Variants in ZFYVE28 observed in about 807,000 individuals in gnomAD.
ZFYVE28 encodes the protein zinc finger FYVE-type containing 28, also known as lateral signaling target protein 2 homolog.
ZFYVE28 carries 40 observed loss-of-function variants against 82.1 expected under a neutral mutation model. The observed-to-expected ratio is 0.49, with a 90% CI of 0.38 to 0.63. The LOEUF (loss-of-function observed/expected upper bound fraction) is 0.63, where lower values mean the gene tolerates loss of function less well. Ranked by LOEUF, ZFYVE28 falls within the 30% of genes least tolerant of loss-of-function variation. ZFYVE28 has a pLI of 0.00. For missense variants in ZFYVE28, 1,321 were observed against 1,242.1 expected, an observed-to-expected ratio of 1.06 and a Z score of -0.96; for synonymous variants, 612 against 546.1, an observed-to-expected ratio of 1.12 and a Z score of -1.68.
At chr4:2,405,717 C>G in intron 1 of ZFYVE28, among the ~76,000 whole-genome samples, 1 of 152,254 alleles carries the variant, frequency 6.6e-6, no homozygotes, top group Middle Eastern at 3.2e-3. Context: ...ACTCCTGTCA[C>G]TGTCCCTCGG....
At chr4:2,393,900 C>G (rs2108927269) in intron 1 of ZFYVE28, among the ~76,000 whole-genome samples, 1 of 152,364 alleles carries the variant, frequency 6.6e-6, no homozygotes. Flanking sequence ...AAGATGACAA[C>G]ATTCACATCT....
Position 2,339,292 on chromosome 4 carries a change from A to G in ZFYVE28, c.521+161T>C, listed in dbSNP as rs187657760. Among the ~76,000 whole-genome samples the G allele has an allele frequency of 6.6e-6, 1 of 152,056 alleles. No homozygotes were observed. Among genetic ancestry groups the G allele is most frequent in the African/African-American group, 2.4e-5 (1 of 41,500 alleles). ...AGATGCCCCACCTCACCTCCACGCT[A>G]TGCTCTCCAGGGCTTAACCCCACCC... On this transcript the variant is annotated intron_variant, in intron 4 of 12. Transcript: ENST00000290974. The surrounding 1 kb of genome is among the most constrained non-coding windows in gnomAD (Gnocchi z 5.0).
chr4:2,363,483 T>C lies in ZFYVE28; in HGVS notation c.40-9410A>G, dbSNP rs1034399. Among the ~76,000 whole-genome samples the C allele has an allele frequency of 3.0e-3, 334 of 110,566 alleles. 2 individuals are homozygous for C. Among genetic ancestry groups the C allele is most frequent in the African/African-American group, 6.1e-3 (195 of 31,946 alleles). The allele number at this position is 110,566 out of a possible 152,430, so 72.5% of individuals were successfully genotyped here. A position where few individuals can be genotyped will look rare whatever the true frequency, so the allele number is the denominator to read the frequency against. ...AAGCTTTGCCCTGGGGGTCACGTGG[T>C]CCCTGAGGGCTCTAACCTGCGGCTG... On this transcript the variant is annotated intron_variant, in intron 1 of 12. Transcript: ENST00000290974.
intron 2 of ZFYVE28, among the ~76,000 whole-genome samples, chr4:2,352,502 A>C (rs1724629784): frequency 6.6e-6 from 1 of 151,514 alleles, no homozygotes; most frequent in African/African-American, 2.4e-5. Flanking sequence ...CCTGGAGCGG[A>C]GTGGACAGAA....
chr4:2,414,778 C>T (rs1732867015), intron 1 of ZFYVE28, among the ~76,000 whole-genome samples: 2 of 152,204 alleles, frequency 1.3e-5, no homozygotes, highest in Non-Finnish European at 2.9e-5. Flanking sequence ...TCCTAGTGAC[C>T]AGGAACTTCC....
intron 9 of ZFYVE28, among the ~76,000 whole-genome samples, chr4:2,273,601 G>A (rs547111387): frequency 1.3e-5 from 2 of 152,284 alleles, no homozygotes; most frequent in South Asian, 2.1e-4. Context: ...GCCAGGCTAC[G>A]CGCTGAGGGA....
At chr4:2,327,286 ATATATATATATATATATATATATC>A (rs1357669855) in intron 6 of ZFYVE28, among the ~76,000 whole-genome samples, 23 of 35,430 alleles carry the variant, frequency 6.5e-4, no homozygotes, top group Admixed American at 1.3e-3. Flanking sequence ...ATATATATAT[ATATATATATATATATATATATATC>A]GAATAAAGTT....
At chr4:2,281,468 G>A (rs1368738067) in intron 8 of ZFYVE28, among the ~76,000 whole-genome samples, 3 of 152,208 alleles carry the variant, frequency 2.0e-5, no homozygotes, top group Non-Finnish European at 4.4e-5. Flanking sequence ...TCTGACTAGG[G>A]CCTTCTTGCT....
In ZFYVE28 at chr4:2,408,693, C is replaced by G. The variant is rs142148015; in HGVS notation, c.39+9592G>C. ...CCCAGATGAGTACCACCCAGGTAAG[C>G]CTGCCTAGATGATGAAGCCCCGCCC... On this transcript the variant is annotated intron_variant, in intron 1 of 12. Coordinates refer to ENST00000290974, the MANE Select transcript of ZFYVE28 (RefSeq NM_020972.3). The surrounding 1 kb of genome is among the most constrained non-coding windows in gnomAD (Gnocchi z 4.3). Among the ~76,000 whole-genome samples, 386 of 152,144 alleles carry G rather than the reference C, an allele frequency of 2.5e-3. No homozygotes were observed. Among genetic ancestry groups the G allele is most frequent in the Non-Finnish European group, 4.6e-3 (315 of 67,978 alleles).
At chr4:2,275,312 C>T (rs956388211) in intron 8 of ZFYVE28, among the ~76,000 whole-genome samples, 8 of 152,202 alleles carry the variant, frequency 5.3e-5, no homozygotes, top group African/African-American at 9.6e-5. Flanking sequence ...AGGTTCACCT[C>T]GCCCAACTCT....
intron 1 of ZFYVE28, among the ~76,000 whole-genome samples, chr4:2,402,338 C>T (rs946240386): frequency 7.2e-5 from 11 of 152,204 alleles, no homozygotes; most frequent in Non-Finnish European, 1.3e-4. Context: ...GGCACCGCCC[C>T]CGCCATCAGA....
intron 6 of ZFYVE28, among the ~76,000 whole-genome samples, chr4:2,321,804 G>A (rs879704693): frequency 3.9e-5 from 6 of 152,036 alleles, no homozygotes; most frequent in African/African-American, 7.2e-5. Context: ...TGTACCCAAC[G>A]TCTGCCCCTC....
rs530451476 is a variant in ZFYVE28, at chr4:2,355,845, G to A, written c.40-1772C>T. 1.8e-4 allele frequency among the ~76,000 whole-genome samples: 28 copies of A among 152,294 alleles called. No individual in the cohort carries two copies. In the South Asian group the frequency reaches 5.4e-3, roughly 29 times the overall value. On this transcript the variant is annotated intron_variant, in intron 1 of 12. Transcript: ENST00000290974. Reference sequence around the variant, plus strand: ...TCCCACCTTGGCCTCCCAAAGTTGCGGAGATTATAGAAGTGAGTCACTGTG... The same window carrying A: ...TCCCACCTTGGCCTCCCAAAGTTGCAGAGATTATAGAAGTGAGTCACTGTG...
At chr4:2,305,639 A>G in intron 7 of ZFYVE28, 103 bp from the exon 8 acceptor site, 1 of 1,347,834 alleles carries the variant, frequency 7.4e-7, no homozygotes, top group Non-Finnish European at 1.0e-6. Flanking sequence ...CAGCAGAACA[A>G]CAGCCAGGCA....
At chr4:2,276,831 T>C (rs1203406550) in intron 8 of ZFYVE28, among the ~76,000 whole-genome samples, 2 of 148,564 alleles carry the variant, frequency 1.3e-5, no homozygotes, top group East Asian at 3.9e-4. Flanking sequence ...GGGGAGTGAG[T>C]GATGGGGAAA....
chr4:2,380,504 G>A (rs1386670807), intron 1 of ZFYVE28, among the ~76,000 whole-genome samples: 1 of 152,194 alleles, frequency 6.6e-6, no homozygotes, highest in African/African-American at 2.4e-5. Flanking sequence ...TGAAGTCAAA[G>A]CAGCAGAAAC....
intron 8 of ZFYVE28, among the ~76,000 whole-genome samples, chr4:2,276,075 G>A (rs760517388): frequency 6.6e-5 from 10 of 152,244 alleles, no homozygotes; most frequent in Admixed American, 2.0e-4. Context: ...ACACAGCCTC[G>A]TGACGTAAAC....
chr4:2,382,910 G>C (rs1394255583), intron 1 of ZFYVE28, among the ~76,000 whole-genome samples: 1 of 147,190 alleles, frequency 6.8e-6, no homozygotes, highest in African/African-American at 2.4e-5. Flanking sequence ...AAATGAGGAA[G>C]AAGCAAAAGC....
chr4:2,350,442 C>G (rs961137134), intron 2 of ZFYVE28, among the ~76,000 whole-genome samples: 1 of 149,656 alleles, frequency 6.7e-6, no homozygotes, highest in Admixed American at 6.7e-5. Flanking sequence ...CCAGCCTGGG[C>G]GACAGAGCGA....
Sources: gnomAD v4.1 joint callset for allele counts (sites outside exome capture counted in the v4.1 genomes callset) on GRCh38, gnomAD v4.1.1 for gene constraint, Gnocchi (gnomAD v3.1) non-coding constraint, MANE v1.5 for transcripts, NCBI Gene and HGNC (gene_info 2026-07-23, HGNC 2026-07-21) for gene names.